Variants in GNB5 observed in about 807,000 individuals in gnomAD.
GNB5 encodes the protein G protein subunit beta 5.
In GNB5, 37 loss-of-function variants were observed where a neutral mutation model predicts 55.3. That is an observed-to-expected ratio of 0.67 (90% CI 0.51 to 0.88). The LOEUF is 0.88. Among genes scored for constraint, GNB5 ranks in the 40% least tolerant of loss-of-function variants. GNB5 has a pLI of 0.00. For synonymous variants in GNB5, 219 were observed against 198.5 expected, an observed-to-expected ratio of 1.10 and a Z score of -0.87; for missense variants, 476 against 515.3, an observed-to-expected ratio of 0.92 and a Z score of 0.74.
intron 10 of GNB5, among the ~76,000 whole-genome samples, chr15:52,127,206 C>A (rs1033188494): frequency 2.0e-5 from 3 of 152,184 alleles, no homozygotes; most frequent in African/African-American, 7.2e-5. Flanking sequence ...TCAACCCAAC[C>A]TCTGGGCATT....
At chr15:52,133,909 A>G (rs1596061076) in intron 8 of GNB5, among the ~76,000 whole-genome samples, 1 of 152,202 alleles carries the variant, frequency 6.6e-6, no homozygotes, top group East Asian at 1.9e-4. Flanking sequence ...GCAGTGCCCA[A>G]ATGGAGCAGC....
intron 11 of GNB5, 46 bp downstream of exon 11, chr15:52,125,902 G>A (rs1390903921): frequency 1.3e-6 from 1 of 787,606 alleles, no homozygotes; most frequent in Non-Finnish European, 2.2e-6. Flanking sequence ...TTTCATTCTG[G>A]TCCTGTCTTA....
chr15:52,136,172 A>ACACACACACACACACCCC (rs1168734914), intron 7 of GNB5, among the ~76,000 whole-genome samples: 1 of 100,050 alleles, frequency 1.0e-5, no homozygotes, highest in African/African-American at 4.4e-5. Context: ...ACACACACAC[A>ACACACACACACACACCCC]CCCTACCTGC....
intron 2 of GNB5, among the ~76,000 whole-genome samples, chr15:52,181,610 A>G (rs1431148534): frequency 6.7e-6 from 1 of 149,462 alleles, no homozygotes; most frequent in Non-Finnish European, 1.5e-5. Context: ...AGCAAGACTC[A>G]AAAAAAACAA....
rs141823743 is a variant in GNB5 at position 52,157,783 on chromosome 15, T to C, written c.239-3707A>G. Reference sequence around the variant, plus strand: ...CCAACTATTAATTATTTTTTCTCACTACATTTTTTCTTCCCACATGTAGAT... The same window carrying C: ...CCAACTATTAATTATTTTTTCTCACCACATTTTTTCTTCCCACATGTAGAT... On this transcript the variant is annotated intron_variant, in intron 3 of 12. Transcript: ENST00000261837. Among the ~76,000 whole-genome samples, 122 of 152,270 alleles carry C rather than the reference T, an allele frequency of 8.0e-4. 1 individual carries two copies. In the East Asian group the frequency reaches 0.023, roughly 29 times the overall value.
At chr15:52,169,156 T>C (rs1409898547) in intron 3 of GNB5, among the ~76,000 whole-genome samples, 1 of 152,098 alleles carries the variant, frequency 6.6e-6, no homozygotes, top group Non-Finnish European at 1.5e-5. Context: ...AAACCCCGTC[T>C]CTACTAAAAA....
chr15:52,143,121 C>T (rs1403708967), intron 6 of GNB5, among the ~76,000 whole-genome samples: 1 of 151,494 alleles, frequency 6.6e-6, no homozygotes, highest in Non-Finnish European at 1.5e-5. Context: ...CACCACCGCA[C>T]TCCAGCCTGG....
chr15:52,183,078 G>A (rs1212572447), intron 2 of GNB5, among the ~76,000 whole-genome samples: 1 of 152,200 alleles, frequency 6.6e-6, no homozygotes, highest in African/African-American at 2.4e-5. Context: ...CTTGAACCCT[G>A]GAGTCAGAGG....
intron 3 of GNB5, among the ~76,000 whole-genome samples, chr15:52,158,396 G>C (rs2034261058): frequency 6.6e-6 from 1 of 152,188 alleles, no homozygotes; most frequent in Non-Finnish European, 1.5e-5. Context: ...ATTTACTGAA[G>C]GAATAAATGA....
intron 3 of GNB5, among the ~76,000 whole-genome samples, chr15:52,178,942 C>T (rs1257969449): frequency 6.6e-6 from 1 of 152,240 alleles, no homozygotes; most frequent in Non-Finnish European, 1.5e-5. Flanking sequence ...CAGATACAAC[C>T]ACTTCCCCAA....
rs115625778 is a variant in GNB5 at position 52,162,577 on chromosome 15, T to C, written c.239-8501A>G. The stretch of plus-strand genomic sequence containing the variant: ...TAGCAAAACAAAACTATTTAAAAAA[T>C]GATCTGGAATCACTTTCAAATTTGC... On this transcript the variant is annotated intron_variant, in intron 3 of 12. Coordinates refer to ENST00000261837, the MANE Select transcript of GNB5 (RefSeq NM_016194.4). Among the ~76,000 whole-genome samples, 400 of 152,258 alleles carry C rather than the reference T, an allele frequency of 2.6e-3. 2 individuals are homozygous for C. The highest frequency in any genetic ancestry group is 9.0e-3 in the African/African-American group (375 of 41,552).
chr15:52,190,956 C>A (rs2034918757), intron 1 of GNB5, among the ~76,000 whole-genome samples: 1 of 152,142 alleles, frequency 6.6e-6, no homozygotes, highest in Non-Finnish European at 1.5e-5. Context: ...CTCAGACTTA[C>A]AACTAAAAAC....
rs977627428 is a variant in GNB5 at position 52,117,102 on chromosome 15, A to ATTTTTTTTTTTTTTTTTTTTTTTTTTTTT, written c.*5654_*5655insAAAAAAAAAAAAAAAAAAAAAAAAAAAAA. ...CCACGCCCAGCTAATATATATATATATTTTTTTTTAGTACAGACAGGGTTT... is the reference window on the plus strand; with the variant it reads ...CCACGCCCAGCTAATATATATATATATTTTTTTTTTTTTTTTTTTTTTTTTTTTTTTTTTTTTTAGTACAGACAGGGTTT... On this transcript the variant is annotated 3_prime_UTR_variant, in exon 13 of 13. Coordinates refer to ENST00000261837, the MANE Select transcript of GNB5 (RefSeq NM_016194.4). 2.3e-5 allele frequency: 2 copies of ATTTTTTTTTTTTTTTTTTTTTTTTTTTTT among 87,100 alleles called. No homozygotes were observed. The highest frequency in any genetic ancestry group is 2.2e-5 in the Non-Finnish European group (1 of 46,204). 5.4% of individuals were successfully genotyped at this position (87,100 alleles called of 1,614,324 possible). A position where few individuals can be genotyped will look rare whatever the true frequency, so the allele number is the denominator to read the frequency against.
At chr15:52,190,890 A>G (rs958237917) in intron 1 of GNB5, among the ~76,000 whole-genome samples, 9 of 152,096 alleles carry the variant, frequency 5.9e-5, no homozygotes, top group Non-Finnish European at 1.2e-4. Context: ...GTCACAGACG[A>G]AACTGTGAAA....
intron 3 of GNB5, among the ~76,000 whole-genome samples, chr15:52,177,353 T>C (rs979421786): frequency 1.3e-5 from 2 of 151,104 alleles, no homozygotes; most frequent in Admixed American, 6.6e-5. Context: ...CTCTTAAAAA[T>C]AAAGATGAAT....
chr15:52,167,610 G>T (rs1355658878), intron 3 of GNB5, among the ~76,000 whole-genome samples: 1 of 151,936 alleles, frequency 6.6e-6, no homozygotes, highest in Non-Finnish European at 1.5e-5. Flanking sequence ...GGTAGAGGTT[G>T]CAGTGAGTCA....
intron 3 of GNB5, among the ~76,000 whole-genome samples, chr15:52,175,270 G>C (rs2034628857): frequency 6.6e-6 from 1 of 152,138 alleles, no homozygotes; most frequent in South Asian, 2.1e-4. Flanking sequence ...ATACCCCTCT[G>C]GTGTCAGCCG....
chr15:52,117,102 A>ATATATTTTTTTTTTTTTTTTTTTTTTTTT lies in GNB5; in HGVS notation c.*5654_*5655insAAAAAAAAAAAAAAAAAAAAAAAAATATA. On this transcript the variant is annotated 3_prime_UTR_variant, in exon 13 of 13. Transcript: ENST00000261837. ...CCACGCCCAGCTAATATATATATAT[A>ATATATTTTTTTTTTTTTTTTTTTTTTTTT]TTTTTTTTTAGTACAGACAGGGTTT... The ATATATTTTTTTTTTTTTTTTTTTTTTTTT allele has an allele frequency of 1.1e-5, 1 of 87,102 alleles. No homozygotes were observed. Among genetic ancestry groups the ATATATTTTTTTTTTTTTTTTTTTTTTTTT allele is most frequent in the African/African-American group, 6.1e-5 (1 of 16,420 alleles). The allele number at this position is 87,102 out of a possible 1,614,324, so 5.4% of individuals were successfully genotyped here.
intron 2 of GNB5, among the ~76,000 whole-genome samples, chr15:52,184,340 C>T (rs1417427716): frequency 6.6e-6 from 1 of 152,124 alleles, no homozygotes; most frequent in Non-Finnish European, 1.5e-5. Flanking sequence ...TCCTTGCACA[C>T]CAATAACTAG....
Sources: allele counts gnomAD v4.1 joint callset (sites outside exome capture counted in the v4.1 genomes callset), GRCh38; gene constraint gnomAD v4.1.1; transcripts MANE v1.5; gene names NCBI Gene and HGNC (gene_info 2026-07-23, HGNC 2026-07-21).